The following NOX1 variants were observed in gnomAD, a reference collection of about 807,000 sequenced individuals.
The protein encoded by NOX1 is NADPH oxidase 1, also known as NADH/NADPH mitogenic oxidase subunit P65-MOX.
A neutral mutation model predicts 42.5 loss-of-function variants in NOX1; 34 were observed. That is an observed-to-expected ratio of 0.80 (90% CI 0.61 to 1.07). NOX1 has a LOEUF of 1.07. Ranked by LOEUF, NOX1 falls within the 50% of genes least tolerant of loss-of-function variation. The pLI is 0.00. For synonymous variants in NOX1, 143 were observed against 152.5 expected, an observed-to-expected ratio of 0.94 and a Z score of 0.46; for missense variants, 408 against 427.0, an observed-to-expected ratio of 0.96 and a Z score of 0.39.
chrX:100,856,268 C>T, intron 7 of NOX1: 3 of 893,874 alleles, frequency 3.4e-6, no homozygotes, highest in Non-Finnish European at 4.9e-6. Flanking sequence ...TGTGAGCATT[C>T]CCCATCACTC....
At chrX:100,859,759 G>GT (rs376659757) in intron 7 of NOX1, among the ~76,000 whole-genome samples, 3,678 of 96,722 alleles carry the variant, frequency 0.038, 203 homozygotes, top group African/African-American at 0.13. Context: ...GTCTCTGAGG[G>GT]TTTTTTTTTT....
At chrX:100,855,648 T>G in intron 7 of NOX1, 1 of 1,019,839 alleles carries the variant, frequency 9.8e-7, no homozygotes, top group Non-Finnish European at 1.4e-6. Context: ...GCCTCCTGGA[T>G]AACCACCATC....
In NOX1 at chrX:100,862,484, A is replaced by T. The variant is rs767030178; in HGVS notation, c.579T>A (p.Thr193=). The change falls in exon 6 of 13, where the codon ACT becomes ACA. Residue 193 remains threonine, a synonymous_variant. Transcript: ENST00000372966. Reference sequence around the variant, plus strand: ...CAAAATAACTCCTCCGGATGAACTCAGTAGCTGAAGTTACCATGAGAATCA... The same window carrying T: ...CAAAATAACTCCTCCGGATGAACTCTGTAGCTGAAGTTACCATGAGAATCA... ...IALILMVTSA[T]EFIRRSYFEV... The T allele has an allele frequency of 1.7e-6, 2 of 1,209,013 alleles. No individual in the cohort carries two copies. The highest frequency in any genetic ancestry group is 3.5e-5 in the African/African-American group (2 of 57,752).
rs1193155053 is a variant in NOX1 at position 100,848,771 on chromosome X, A to G, written c.1444-17T>C. Reference sequence around the variant, plus strand: ...ATGACCAACCTGGATTCAGAGGAATAAAAGTTAGAAAAACCAAGTCCTAGG... The same window carrying G: ...ATGACCAACCTGGATTCAGAGGAATGAAAGTTAGAAAAACCAAGTCCTAGG... On this transcript the variant is annotated splice_polypyrimidine_tract_variant and intron_variant, in intron 11 of 12. Coordinates refer to ENST00000372966, the MANE Select transcript of NOX1 (RefSeq NM_007052.5). The G allele has an allele frequency of 3.3e-6, 4 of 1,205,631 alleles. No homozygotes were observed. The highest frequency in any genetic ancestry group is 1.7e-5 in the African/African-American group (1 of 57,285).
intron 7 of NOX1, among the ~76,000 whole-genome samples, chrX:100,854,776 A>G (rs1182733742): frequency 9.0e-6 from 1 of 111,551 alleles, no homozygotes; most frequent in African/African-American, 3.3e-5. Context: ...TTCAGGTCAC[A>G]ACAGTAACTA....
At chrX:100,865,801 T>C (rs897700263) in intron 2 of NOX1, among the ~76,000 whole-genome samples, 1 of 112,420 alleles carries the variant, frequency 8.9e-6, no homozygotes, top group African/African-American at 3.2e-5. Context: ...CCATGCCAGA[T>C]TTCAAGACAC....
Position 100,856,361 on chromosome X carries a change from G to A in NOX1, c.805-5036C>T, listed in dbSNP as rs1602387190. ...CTTCCTCAGCTGTTTGAGCTCTTTA[G>A]GAGACTCTGACTTAGACAAGATGGA... On this transcript the variant is annotated intron_variant, in intron 7 of 12. Transcript: ENST00000372966. 26 of 556,694 alleles carry A rather than the reference G, an allele frequency of 4.7e-5. 1 individual carries two copies. In the East Asian group the frequency reaches 8.6e-4, roughly 18 times the overall value. 45.9% of individuals were successfully genotyped at this position (556,694 alleles called of 1,213,427 possible). A position where few individuals can be genotyped will look rare whatever the true frequency, so the allele number is the denominator to read the frequency against.
intron 7 of NOX1, among the ~76,000 whole-genome samples, chrX:100,858,725 C>G (rs1056784974): frequency 4.5e-5 from 5 of 110,627 alleles, no homozygotes; most frequent in Non-Finnish European, 9.5e-5. Context: ...TGATTTGGCT[C>G]TCAGCTTGGG....
intron 3 of NOX1, 86 bp from the exon 4 acceptor site, chrX:100,863,329 G>A: frequency 1.1e-6 from 1 of 931,791 alleles, no homozygotes; most frequent in Non-Finnish European, 1.6e-6. Context: ...CTTGCATATA[G>A]CATGCCAATA....
chrX:100,844,903 A>C (rs1322525657), intron 12 of NOX1, among the ~76,000 whole-genome samples: 1 of 112,067 alleles, frequency 8.9e-6, no homozygotes, highest in Admixed American at 9.4e-5. Flanking sequence ...CATTAAACCC[A>C]TCCACTGTGA....
At chrX:100,870,341 G>A (rs2085266504) in intron 2 of NOX1, among the ~76,000 whole-genome samples, 2 of 110,135 alleles carry the variant, frequency 1.8e-5, no homozygotes, top group Admixed American at 9.7e-5. Flanking sequence ...AGGAACACCT[G>A]AGTTTCTGGA....
At chrX:100,863,065 C>T (rs190612478) in intron 4 of NOX1, 94 bp downstream of exon 4, 18 of 711,818 alleles carry the variant, frequency 2.5e-5, no homozygotes, top group Admixed American at 1.8e-4. Context: ...GCCCAGTGCT[C>T]GATAAATATT....
At position 100,851,274 on chromosome X, in the gene NOX1, G is replaced by A; in HGVS notation, c.856C>T (p.Leu286Phe). The A allele has an allele frequency of 8.3e-7, 1 of 1,198,710 alleles. No homozygotes were observed. The highest frequency in any genetic ancestry group is 1.1e-6 in the Non-Finnish European group (1 of 886,476). Residue 286 changes from leucine (L) to phenylalanine (F), a missense_variant, in exon 8 of 13, where the codon CTC becomes TTC. Transcript: ENST00000372966. ...TTCTGCTGGGAGCGGTAAAACCGGA[G>A]GATCCTTTCACAGATATAAAGAATG... ...PVILYICERILRFYRSQQKVV... is the reference protein window; with the variant it reads ...PVILYICERIFRFYRSQQKVV...
chrX:100,859,055 G>A (rs1251146583), intron 7 of NOX1, among the ~76,000 whole-genome samples: 1 of 111,750 alleles, frequency 8.9e-6, no homozygotes, highest in Non-Finnish European at 1.9e-5. Flanking sequence ...TCAGTATGAT[G>A]TTGGCTGTGG....
intron 12 of NOX1, among the ~76,000 whole-genome samples, chrX:100,847,492 T>C (rs1487344718): frequency 9.0e-6 from 1 of 110,668 alleles, no homozygotes; most frequent in Non-Finnish European, 1.9e-5. Context: ...AGGCGGGGCT[T>C]GGTGGATCAT....
rs200399113 is a variant in NOX1, at chrX:100,868,723, T to A, written c.141+1996A>T. ...TTTTCTTTTTTACTTTCCTTTTTTTTAAAAAAAAACCAAACTCTTTCTTAA... is the reference window on the plus strand; with the variant it reads ...TTTTCTTTTTTACTTTCCTTTTTTTAAAAAAAAAACCAAACTCTTTCTTAA... On this transcript the variant is annotated intron_variant, in intron 2 of 12. Transcript: ENST00000372966. Among the ~76,000 whole-genome samples, 60 of 110,334 alleles carry A rather than the reference T, an allele frequency of 5.4e-4. 1 individual carries two copies. The Middle Eastern group carries it at 0.014, about 25-fold the overall frequency.
chrX:100,863,231 T>C lies in NOX1; in HGVS notation c.265A>G (p.Thr89Ala). Residue 89 changes from threonine to alanine, a missense_variant, in exon 4 of 13, where the codon ACA (threonine) becomes GCA (alanine). Thr to Ala is a moderately conservative substitution (Grantham distance 58, BLOSUM62 0). Coordinates refer to ENST00000372966, the MANE Select transcript of NOX1 (RefSeq NM_007052.5). ...TTGTGATCCAATTGCTTTCTCAGTG[T>C]GCGGCTGCAAAACTACAAATGTAGA... The part of the protein sequence containing the change: ...LRGTCSFCSR[T>A]LRKQLDHNLT... The C allele has an allele frequency of 8.3e-7, 1 of 1,202,207 alleles. No individual in the cohort carries two copies. Among genetic ancestry groups the C allele is most frequent in the East Asian group, 3.0e-5 (1 of 33,810 alleles).
intron 2 of NOX1, among the ~76,000 whole-genome samples, chrX:100,869,192 G>A (rs1333578171): frequency 9.0e-6 from 1 of 111,105 alleles, no homozygotes; most frequent in Non-Finnish European, 1.9e-5. Context: ...TTCCAATTCT[G>A]TGAAGAAAGG....
At chrX:100,853,347 T>TTTCTTTCTTTCTTTCTTTCTTTCTTTCC (rs1345317189) in intron 7 of NOX1, among the ~76,000 whole-genome samples, 1 of 95,598 alleles carries the variant, frequency 1.0e-5, no homozygotes, top group Non-Finnish European at 2.0e-5. Flanking sequence ...TCTTTCTTTC[T>TTTCTTTCTTTCTTTCTTTCTTTCTTTCC]TTCTTTCTTT....
Sources: gnomAD v4.1 joint callset for allele counts (sites outside exome capture counted in the v4.1 genomes callset) on GRCh38, gnomAD v4.1.1 for gene constraint, MANE v1.5 for transcripts, NCBI Gene and HGNC (gene_info 2026-07-23, HGNC 2026-07-21) for gene names.